The following ABR variants were observed in gnomAD, a reference collection of about 807,000 sequenced individuals.
ABR encodes the protein ABR activator of RhoGEF and GTPase.
Under a neutral mutation model 107.2 loss-of-function variants are expected in ABR, and 35 were observed. That is an observed-to-expected ratio of 0.33 (90% CI 0.25 to 0.43). ABR has a LOEUF of 0.43. Ranked by LOEUF, ABR falls within the 20% of genes least tolerant of loss-of-function variation. The probability of loss-of-function intolerance (pLI) is 1.00; values close to 1 mark genes in which losing one functional copy is unlikely to be tolerated. For missense variants in ABR, 815 were observed against 1,115.2 expected, an observed-to-expected ratio of 0.73 and a Z score of 3.83; for synonymous variants, 498 against 462.0, an observed-to-expected ratio of 1.08 and a Z score of -1.00.
rs1006908506 is a variant in ABR, at chr17:1,079,205, G to A, written c.700+125C>T. ...CTCACACTCACACGCGCTCACACAC[G>A]CTCACGCTCACACGCGCTCACACAC... is the stretch of plus-strand genomic sequence containing the variant. On this transcript the variant is annotated intron_variant, in intron 6 of 22. Coordinates refer to ENST00000302538, the MANE Select transcript of ABR (RefSeq NM_021962.5). The A allele has an allele frequency of 1.9e-5, 28 of 1,490,590 alleles. No individual in the cohort carries two copies. In the East Asian group the frequency reaches 2.0e-4, roughly 11 times the overall value. The allele number at this position is 1,490,590 out of a possible 1,614,324, so 92.3% of individuals were successfully genotyped here.
chr17:1,175,721 C>T (rs1216885144), intron 1 of ABR, among the ~76,000 whole-genome samples: 1 of 152,160 alleles, frequency 6.6e-6, no homozygotes, highest in Non-Finnish European at 1.5e-5. Flanking sequence ...ATCAAATGAC[C>T]ACCAAACCTG....
intron 1 of ABR, among the ~76,000 whole-genome samples, chr17:1,203,392 G>A (rs1185611800): frequency 3.8e-5 from 2 of 52,632 alleles, no homozygotes; most frequent in African/African-American, 3.4e-4. Flanking sequence ...TTGAGGGGGC[G>A]GGGCCCGCGG....
Position 1,175,177 on chromosome 17 carries a change from C to T in ABR, c.61+4490G>A, listed in dbSNP as rs182629537. Among the ~76,000 whole-genome samples, 636 of 152,272 alleles carry T rather than the reference C, an allele frequency of 4.2e-3. 4 individuals carry two copies. The highest frequency in any genetic ancestry group is 0.014 in the African/African-American group (597 of 41,550). On this transcript the variant is annotated intron_variant, in intron 1 of 22. Transcript: ENST00000302538. Reference sequence around the variant, plus strand: ...CTGTCATCCCAGCACTTTGGGAAGCCGAGGCGGGTGGATCACCTGAGGTCA... The same window carrying T: ...CTGTCATCCCAGCACTTTGGGAAGCTGAGGCGGGTGGATCACCTGAGGTCA...
At chr17:1,013,341 C>A (rs1207625153) in intron 16 of ABR, 177 bp from the exon 17 acceptor site, 2 of 672,942 alleles carry the variant, frequency 3.0e-6, no homozygotes, top group Non-Finnish European at 5.0e-6. Flanking sequence ...AGCCCCCAGG[C>A]CCCTGTGGCC....
intron 16 of ABR, among the ~76,000 whole-genome samples, chr17:1,043,270 C>G (rs1360475927): frequency 6.6e-6 from 1 of 152,054 alleles, no homozygotes; most frequent in Non-Finnish European, 1.5e-5. Flanking sequence ...CAGGTTCAAG[C>G]AATTCTCCAG....
intron 4 of ABR, among the ~76,000 whole-genome samples, chr17:1,090,368 A>T (rs573786717): frequency 6.6e-6 from 1 of 151,812 alleles, no homozygotes; most frequent in Non-Finnish European, 1.5e-5. Context: ...TCGAGGTTTC[A>T]GTGACTCTCT....
chr17:1,063,714 G>A (rs1186708176), intron 10 of ABR, among the ~76,000 whole-genome samples: 21 of 148,808 alleles, frequency 1.4e-4, no homozygotes, highest in Admixed American at 1.0e-3. Flanking sequence ...GGCTATGCAT[G>A]TTCCTCCAGA....
upstream of ABR, among the ~76,000 whole-genome samples, chr17:1,183,021 T>C (rs1373165320): frequency 1.3e-5 from 2 of 152,186 alleles, no homozygotes; most frequent in South Asian, 2.1e-4. Flanking sequence ...GTTGGGGAGA[T>C]CCAACGTCAC....
chr17:1,197,990 G>A (rs148301597), intron 1 of ABR, among the ~76,000 whole-genome samples: 19 of 151,838 alleles, frequency 1.3e-4, no homozygotes, highest in South Asian at 1.2e-3. Context: ...GCTGCGCCCG[G>A]CTGGCCGCAG....
chr17:1,100,754 C>G lies in ABR; in HGVS notation c.247-19G>C. On this transcript the variant is annotated intron_variant, in intron 2 of 22. Transcript: ENST00000302538. ...CTTCCACCTGCACAAACGCAAAGCACAGCCAACAGCTCATGAGCAAGGAGG... is the reference window on the plus strand; with the variant it reads ...CTTCCACCTGCACAAACGCAAAGCAGAGCCAACAGCTCATGAGCAAGGAGG... 1 of 1,613,186 alleles carries G rather than the reference C, an allele frequency of 6.2e-7. No homozygotes were observed. The highest frequency in any genetic ancestry group is 8.5e-7 in the Non-Finnish European group (1 of 1,179,206).
At chr17:1,022,269 G>T (rs1255039699) in intron 16 of ABR, among the ~76,000 whole-genome samples, 1 of 152,202 alleles carries the variant, frequency 6.6e-6, no homozygotes, top group Non-Finnish European at 1.5e-5. Context: ...GGGTCTGAGG[G>T]TGGGCACGTT....
chr17:1,038,088 G>C (rs534955357), intron 16 of ABR, among the ~76,000 whole-genome samples: 1 of 152,274 alleles, frequency 6.6e-6, no homozygotes, highest in East Asian at 1.9e-4. Flanking sequence ...GGGGACGTGG[G>C]GCCCACTGGC....
intron 1 of ABR, among the ~76,000 whole-genome samples, chr17:1,198,796 T>C (rs1463827032): frequency 2.1e-5 from 2 of 95,792 alleles, no homozygotes; most frequent in African/African-American, 7.3e-5. Context: ...CCACCACACC[T>C]GGCAAATTTT....
Position 1,142,625 on chromosome 17 carries a change from CA to C in ABR, c.62-17259del, listed in dbSNP as rs555602916. On this transcript the variant is annotated intron_variant, in intron 1 of 22. Transcript: ENST00000302538. The stretch of plus-strand genomic sequence containing the variant: ...AATACTCTGAAGCAGCCTATGAAGC[CA>C]TCAGCCAGGCGCGTGATCAATTCAG... Among the ~76,000 whole-genome samples, 168 of 152,156 alleles carry C rather than the reference CA, an allele frequency of 1.1e-3. 1 individual carries two copies. The highest frequency in any genetic ancestry group is 3.9e-3 in the African/African-American group (162 of 41,526).
intron 1 of ABR, among the ~76,000 whole-genome samples, chr17:1,216,358 G>C (rs748650172): frequency 3.5e-4 from 53 of 152,172 alleles, no homozygotes; most frequent in Non-Finnish European, 6.2e-4. Flanking sequence ...GAGTCACGCA[G>C]GAGTGAGTAG....
At chr17:1,217,915 G>A (rs548246457) in intron 1 of ABR, among the ~76,000 whole-genome samples, 7 of 152,112 alleles carry the variant, frequency 4.6e-5, no homozygotes, top group African/African-American at 1.2e-4. Context: ...GGCTGGTCTT[G>A]AACTCCTGAC....
chr17:1,145,255 C>G (rs1437307843), intron 1 of ABR, among the ~76,000 whole-genome samples: 2 of 152,168 alleles, frequency 1.3e-5, no homozygotes, highest in Non-Finnish European at 2.9e-5. Flanking sequence ...TCATCTCTTC[C>G]CATAACAACC....
intron 2 of ABR, among the ~76,000 whole-genome samples, chr17:1,103,992 C>A (rs1211909522): frequency 6.6e-6 from 1 of 152,130 alleles, no homozygotes; most frequent in Non-Finnish European, 1.5e-5. Context: ...CCAGGCTCAC[C>A]ACTCACTCAC....
intron 6 of ABR, among the ~76,000 whole-genome samples, chr17:1,075,592 G>T (rs1354841707): frequency 6.7e-6 from 1 of 149,764 alleles, no homozygotes; most frequent in South Asian, 2.1e-4. Flanking sequence ...TACAGATGCT[G>T]CTCCCCAGCC....
Sources: allele counts gnomAD v4.1 joint callset (sites outside exome capture counted in the v4.1 genomes callset), GRCh38; gene constraint gnomAD v4.1.1; transcripts MANE v1.5; gene names NCBI Gene and HGNC (gene_info 2026-07-23, HGNC 2026-07-21).